Variants in ULK4 observed in about 807,000 individuals in gnomAD.
ULK4 encodes inactive serine/threonine-protein kinase ULK4.
ULK4 carries 133 observed loss-of-function variants against 160.6 expected under a neutral mutation model. That is an observed-to-expected ratio of 0.83 (90% confidence interval 0.72 to 0.96). The LOEUF (loss-of-function observed/expected upper bound fraction) is 0.96. Ranked by LOEUF, ULK4 falls within the 40% of genes least tolerant of loss-of-function variation. The probability of loss-of-function intolerance (pLI) is 0.00; values close to 1 mark genes in which losing one functional copy is unlikely to be tolerated. For missense variants in ULK4, 1,580 were observed against 1,499.5 expected (o/e 1.05, Z -0.89); for synonymous variants, 534 against 539.8 (o/e 0.99, Z 0.15).
chr3:41,616,731 G>T (rs1350896710), intron 30 of ULK4, among the ~76,000 whole-genome samples: 1 of 152,204 alleles, frequency 6.6e-6, no homozygotes, highest in South Asian at 2.1e-4. Flanking sequence ...GCTAGCAGTA[G>T]CGGCAGGAGT....
intron 16 of ULK4, among the ~76,000 whole-genome samples, chr3:41,888,323 G>T (rs1055063032): frequency 7.2e-5 from 11 of 152,072 alleles, no homozygotes; most frequent in African/African-American, 2.7e-4. Context: ...TTTATTAAAT[G>T]ATAACTGATA....
At chr3:41,366,620 C>T (rs1251064481) in intron 35 of ULK4, among the ~76,000 whole-genome samples, 1 of 151,980 alleles carries the variant, frequency 6.6e-6, no homozygotes, top group Non-Finnish European at 1.5e-5. Context: ...CACACATACA[C>T]TTATTGTGCG....
At chr3:41,668,492 T>C (rs1049193345) in intron 29 of ULK4, among the ~76,000 whole-genome samples, 1 of 152,220 alleles carries the variant, frequency 6.6e-6, no homozygotes, top group Non-Finnish European at 1.5e-5. Flanking sequence ...ACATGCTGCA[T>C]AGGTTTGCAG....
rs147650828 is a variant in ULK4 at position 41,850,049 on chromosome 3, A to G, written c.1657-14078T>C. Among the ~76,000 whole-genome samples, 1,029 of 152,180 alleles carry G rather than the reference A, an allele frequency of 6.8e-3. 13 individuals are homozygous for G. The highest frequency in any genetic ancestry group is 0.023 in the African/African-American group (954 of 41,490). On this transcript the variant is annotated intron_variant, in intron 17 of 36. Transcript: ENST00000301831. ...ATTGTTCAATTCCCACCTATGAGTG[A>G]GAACATGTGGTGTTTGGTTTTTCGT... is the stretch of plus-strand genomic sequence containing the variant.
chr3:41,350,039 A>C (rs2125760109), intron 35 of ULK4, among the ~76,000 whole-genome samples: 1 of 152,322 alleles, frequency 6.6e-6, no homozygotes, highest in Non-Finnish European at 1.5e-5. Flanking sequence ...ATTTAATACT[A>C]TGATAAATGT....
intron 35 of ULK4, among the ~76,000 whole-genome samples, chr3:41,390,899 T>C (rs1459997099): frequency 2.0e-5 from 3 of 152,130 alleles, no homozygotes; most frequent in African/African-American, 7.2e-5. Context: ...GGTGCAGAGC[T>C]GAGTTCATTT....
In ULK4 at chr3:41,775,774, C is replaced by T. The variant is rs555799677; in HGVS notation, c.2193+13887G>A. Among the ~76,000 whole-genome samples, 74 of 150,792 alleles carry T rather than the reference C, an allele frequency of 4.9e-4. 2 individuals are homozygous for T. Among genetic ancestry groups the T allele is most frequent in the African/African-American group, 1.7e-3 (69 of 40,222 alleles). On this transcript the variant is annotated intron_variant, in intron 21 of 36. Transcript: ENST00000301831. ...CTACTCACATACGTTATTATATCGC[C>T]CATATCCTTCTGCAGCTTGCCTTTT...
chr3:41,369,127 A>G (rs754208727), intron 35 of ULK4, among the ~76,000 whole-genome samples: 3 of 152,232 alleles, frequency 2.0e-5, no homozygotes, highest in Non-Finnish European at 4.4e-5. Context: ...CAAAATGATG[A>G]GAGTACTCTA....
At chr3:41,850,747 A>G (rs376003645) in intron 17 of ULK4, among the ~76,000 whole-genome samples, 1 of 152,050 alleles carries the variant, frequency 6.6e-6, no homozygotes, top group South Asian at 2.1e-4. Context: ...ATTTTCTCCC[A>G]TTCTGTAGGT....
intron 18 of ULK4, among the ~76,000 whole-genome samples, chr3:41,826,552 G>C (rs1203870114): frequency 4.0e-5 from 6 of 149,138 alleles, no homozygotes; most frequent in Non-Finnish European, 7.4e-5. Flanking sequence ...AAGATCAAAA[G>C]AGACAAAGAA....
At chr3:41,264,833 T>G (rs1014925558) in intron 35 of ULK4, among the ~76,000 whole-genome samples, 1 of 152,182 alleles carries the variant, frequency 6.6e-6, no homozygotes, top group Non-Finnish European at 1.5e-5. Flanking sequence ...TTGAAACTCA[T>G]GTTACAACTG....
At chr3:41,590,149 C>T (rs1575456883) in intron 31 of ULK4, among the ~76,000 whole-genome samples, 1 of 151,692 alleles carries the variant, frequency 6.6e-6, no homozygotes, top group African/African-American at 2.4e-5. Flanking sequence ...ACTACAGGCG[C>T]CTGCCACCAC....
At chr3:41,849,606 T>C (rs9850310) in intron 17 of ULK4, among the ~76,000 whole-genome samples, 27,739 of 152,084 alleles carry the variant, frequency 0.18, 2,610 homozygotes, top group Middle Eastern at 0.32. Flanking sequence ...CCAAAGAAAT[T>C]TATAACACCA....
chr3:41,476,867 G>A (rs1315613678), intron 32 of ULK4, among the ~76,000 whole-genome samples: 1 of 152,174 alleles, frequency 6.6e-6, no homozygotes, highest in Non-Finnish European at 1.5e-5. Context: ...TAAACACTGA[G>A]ATAAATATAC....
intron 31 of ULK4, among the ~76,000 whole-genome samples, chr3:41,590,095 C>T (rs553589404): frequency 5.7e-4 from 86 of 151,910 alleles, no homozygotes; most frequent in African/African-American, 1.9e-3. Context: ...CTCCGCCTCC[C>T]GGATTCACGC....
chr3:41,462,999 CAA>C lies in ULK4; in HGVS notation c.3393+86_3393+87del, dbSNP rs2083725631. On this transcript the variant is annotated intron_variant, in intron 33 of 36. Transcript: ENST00000301831. ...ACATTCTTTTAAATAAGTAAAGACA[CAA>C]TAGAGGAAGATAAGAAAGAAGAGAA... The C allele has an allele frequency of 2.8e-5, 40 of 1,448,764 alleles. 1 individual carries two copies. In the South Asian group the frequency reaches 5.4e-4, roughly 19 times the overall value. 89.7% of individuals were successfully genotyped at this position (1,448,764 alleles called of 1,614,324 possible). A position where few individuals can be genotyped will look rare whatever the true frequency, so the allele number is the denominator to read the frequency against.
intron 32 of ULK4, among the ~76,000 whole-genome samples, chr3:41,553,635 G>C (rs1308794342): frequency 6.6e-6 from 1 of 152,054 alleles, no homozygotes; most frequent in Non-Finnish European, 1.5e-5. Flanking sequence ...CTTATACACT[G>C]TTGTTAGGAA....
chr3:41,809,691 C>T (rs1173607592), intron 19 of ULK4, among the ~76,000 whole-genome samples: 1 of 152,154 alleles, frequency 6.6e-6, no homozygotes, highest in Admixed American at 6.5e-5. Context: ...GCCTACTTAT[C>T]TCTGTGCCAC....
intron 35 of ULK4, among the ~76,000 whole-genome samples, chr3:41,292,006 G>A (rs1023954410): frequency 6.6e-5 from 10 of 150,916 alleles, no homozygotes; most frequent in South Asian, 4.2e-4. Context: ...ATTTTTTTTT[G>A]TATTTTTTAG....
Sources: allele counts gnomAD v4.1 joint callset (sites outside exome capture counted in the v4.1 genomes callset), GRCh38; gene constraint gnomAD v4.1.1; transcripts MANE v1.5; gene names NCBI Gene and HGNC (gene_info 2026-07-23, HGNC 2026-07-21).